Variants in RFX2 observed in about 807,000 individuals in gnomAD.
RFX2 encodes the protein DNA-binding protein RFX2.
Under a neutral mutation model 87.8 loss-of-function variants are expected in RFX2, and 20 were observed. That is an observed-to-expected ratio of 0.23 (90% CI 0.16 to 0.33). RFX2 has a LOEUF of 0.33. Among genes scored for constraint, RFX2 ranks in the 10% least tolerant of loss-of-function variants. The pLI is 1.00. For missense variants in RFX2, 767 were observed against 1,012.3 expected, an observed-to-expected ratio of 0.76 and a Z score of 3.29; for synonymous variants, 397 against 431.3, an observed-to-expected ratio of 0.92 and a Z score of 0.98.
At chr19:6,087,447 T>G (rs555241529) in intron 1 of RFX2, among the ~76,000 whole-genome samples, 1 of 152,336 alleles carries the variant, frequency 6.6e-6, no homozygotes, top group East Asian at 1.9e-4. Context: ...GGGAGATGCC[T>G]GCCAGAGGCG....
In RFX2 at chr19:6,026,179, C is replaced by T. The variant is rs2086886321; in HGVS notation, c.581G>A (p.Gly194Asp). Residue 194 changes from glycine (G) to aspartate (D), a missense_variant, in exon 6 of 18, where the codon GGT becomes GAT. By Grantham distance (94) the Gly-to-Asp change is moderately conservative (BLOSUM62 -1). Coordinates refer to ENST00000303657, the MANE Select transcript of RFX2 (RefSeq NM_000635.4). This position sits in a 1 kb window ranked among gnomAD's most constrained non-coding sequence, Gnocchi z 4.5. ...KSEGITSHKS[G>D]LLNSHLQWLL... is the part of the protein sequence containing the mutation. ...CACACTTACATGGCTGTTGAGTAAA[C>T]CGCTTTTGTGTGATGTGATTCCTTC... The T allele has an allele frequency of 6.2e-7, 1 of 1,613,708 alleles. No individual in the cohort carries two copies. Among genetic ancestry groups the T allele is most frequent in the African/African-American group, 1.3e-5 (1 of 74,906 alleles).
rs535160598 is a variant in RFX2 at position 6,074,617 on chromosome 19, C to A, written c.-8-27113G>T. On this transcript the variant is annotated intron_variant, in intron 1 of 17. Coordinates refer to ENST00000303657, the MANE Select transcript of RFX2 (RefSeq NM_000635.4). The surrounding 1 kb of genome is among the most constrained non-coding windows in gnomAD (Gnocchi z 5.2). ...GTGGGGCTGACCCCTCAGGGAGAGA[C>A]AGACGACACCATGGACACAGAACAG... 6.6e-6 allele frequency among the ~76,000 whole-genome samples: 1 copy of A among 152,316 alleles called. No individual in the cohort carries two copies. The highest frequency in any genetic ancestry group is 1.9e-4 in the East Asian group (1 of 5,174).
At chr19:6,077,562 T>G (rs1221190132) in intron 1 of RFX2, among the ~76,000 whole-genome samples, 2 of 152,220 alleles carry the variant, frequency 1.3e-5, no homozygotes, top group African/African-American at 4.8e-5. Flanking sequence ...AAATTCATCC[T>G]GCAGAAGTAG....
chr19:6,092,840 C>T (rs1330239913), intron 1 of RFX2, among the ~76,000 whole-genome samples: 1 of 152,074 alleles, frequency 6.6e-6, no homozygotes, highest in African/African-American at 2.4e-5. Flanking sequence ...TTTCACGAGG[C>T]TGTCAAAGGG....
At position 6,044,703 on chromosome 19, in the gene RFX2, G is replaced by GTACA. The variant is rs2087164148; in HGVS notation, c.91-422_91-421insTGTA. ...ACAGAGGGGACTGCTGGGGCCCTCT[G>GTACA]GATAGCCATCCGCACCACTGCGTGG... On this transcript the variant is annotated intron_variant, in intron 2 of 17. Coordinates refer to ENST00000303657, the MANE Select transcript of RFX2 (RefSeq NM_000635.4). The surrounding 1 kb of genome is among the most constrained non-coding windows in gnomAD (Gnocchi z 5.3). 2.6e-5 allele frequency among the ~76,000 whole-genome samples: 4 copies of GTACA among 152,240 alleles called. No individual in the cohort carries two copies. In the South Asian group the frequency reaches 8.3e-4, roughly 32 times the overall value.
intron 1 of RFX2, among the ~76,000 whole-genome samples, chr19:6,051,555 A>G (rs1431079998): frequency 6.6e-6 from 1 of 152,224 alleles, no homozygotes; most frequent in Admixed American, 6.5e-5. Context: ...GCTAATAGAG[A>G]AATCAAATGA....
rs934667192 is a variant in RFX2, at chr19:6,047,060, C to T, written c.90+347G>A. The stretch of plus-strand genomic sequence containing the variant: ...GGATTACCTGTGTGAGCCACTGCAC[C>T]CGGCCTTACTTCTTAATTCTTAATA... On this transcript the variant is annotated intron_variant, in intron 2 of 17. Transcript: ENST00000303657. The surrounding 1 kb of genome is among the most constrained non-coding windows in gnomAD (Gnocchi z 4.2). Among the ~76,000 whole-genome samples, 6 of 152,004 alleles carry T rather than the reference C, an allele frequency of 3.9e-5. No homozygotes were observed. The highest frequency in any genetic ancestry group is 7.4e-5 in the Non-Finnish European group (5 of 68,006).
chr19:6,058,921 C>T (rs1349890609), intron 1 of RFX2, among the ~76,000 whole-genome samples: 1 of 152,126 alleles, frequency 6.6e-6, no homozygotes, highest in African/African-American at 2.4e-5. Context: ...ACAAGGCCTC[C>T]CCTAAGCCAG....
intron 1 of RFX2, chr19:6,077,141 T>G (rs2087703540): frequency 6.6e-6 from 1 of 152,238 alleles, no homozygotes; most frequent in South Asian, 2.1e-4. Context: ...CGGACTGTGT[T>G]TAGTGCCATC....
intron 6 of RFX2, among the ~76,000 whole-genome samples, chr19:6,018,933 C>G (rs1040722842): frequency 6.6e-6 from 1 of 152,206 alleles, no homozygotes; most frequent in African/African-American, 2.4e-5. Context: ...GTTCCCTGGC[C>G]GCCCCTGAAT....
At position 6,107,880 on chromosome 19, in the gene RFX2, C is replaced by T. The variant is rs547282847; in HGVS notation, c.-9+2513G>A. ...TACATTTAAATATACATCACATACACATTATATTATATTGTTGTATTTAAA... is the reference window on the plus strand; with the variant it reads ...TACATTTAAATATACATCACATACATATTATATTATATTGTTGTATTTAAA... On this transcript the variant is annotated intron_variant, in intron 1 of 17. Coordinates refer to ENST00000303657, the MANE Select transcript of RFX2 (RefSeq NM_000635.4). 1.6e-4 allele frequency among the ~76,000 whole-genome samples: 25 copies of T among 152,200 alleles called. No individual in the cohort carries two copies. The East Asian group carries it at 4.4e-3, about 27-fold the overall frequency.
At chr19:6,006,187 G>T (rs2086577321) in intron 12 of RFX2, among the ~76,000 whole-genome samples, 1 of 152,162 alleles carries the variant, frequency 6.6e-6, no homozygotes, top group Non-Finnish European at 1.5e-5. Flanking sequence ...TTGAGACAGG[G>T]TCTTGCTCTG....
intron 1 of RFX2, among the ~76,000 whole-genome samples, chr19:6,086,466 C>A (rs2087857328): frequency 6.6e-6 from 1 of 152,218 alleles, no homozygotes; most frequent in Non-Finnish European, 1.5e-5. Context: ...GTATTTGTAT[C>A]TCCAAACATG....
chr19:6,044,188 A>G lies in RFX2; in HGVS notation c.180+5T>C, dbSNP rs1415940598. On this transcript the variant is annotated splice_donor_5th_base_variant and intron_variant, in intron 3 of 17. Transcript: ENST00000303657. The surrounding 1 kb of genome is among the most constrained non-coding windows in gnomAD (Gnocchi z 5.3). The stretch of plus-strand genomic sequence containing the variant: ...TTTGCACGGTGCTGCGGTGCTTGTC[A>G]TTACCTGCTGGGGTACCTGCTGAAC... The G allele has an allele frequency of 2.6e-6, 4 of 1,542,880 alleles. No individual in the cohort carries two copies. The highest frequency in any genetic ancestry group is 3.5e-6 in the Non-Finnish European group (4 of 1,143,914).
In RFX2 at chr19:6,007,702, G is replaced by C; in HGVS notation, c.1235C>G (p.Ser412Cys). 1 of 1,551,848 alleles carries C rather than the reference G, an allele frequency of 6.4e-7. No individual in the cohort carries two copies. Among genetic ancestry groups the C allele is most frequent in the Non-Finnish European group, 8.7e-7 (1 of 1,145,946 alleles). ...GTGTGGCAGTCACCTGGCAGGAAGA[G>C]AGGTGGGGCCGTCGCTGGAGGAGGC... The part of the protein sequence containing the change: ...SKASSSDGPT[S>C]LPASDEDPEG... Residue 412 changes from serine to cysteine, a missense_variant, in exon 11 of 18, where the codon TCT (serine) becomes TGT (cysteine). Around this residue, in one of 2 missense-constraint regions of RFX2, gnomAD observed 621 missense variants for 873.0 expected, o/e 0.71. Transcript: ENST00000303657. The surrounding 1 kb of genome is among the most constrained non-coding windows in gnomAD (Gnocchi z 8.2).
chr19:6,077,146 G>A, intron 1 of RFX2: 1 of 152,194 alleles, frequency 6.6e-6, no homozygotes, highest in Non-Finnish European at 1.5e-5. Flanking sequence ...TGTGTTTAGT[G>A]CCATCCTTGC....
intron 1 of RFX2, among the ~76,000 whole-genome samples, chr19:6,078,995 C>T (rs989439260): frequency 3.7e-4 from 56 of 152,188 alleles, no homozygotes; most frequent in Non-Finnish European, 1.0e-4. Context: ...AGGCTGGTCT[C>T]GAACTCCTGA....
intron 9 of RFX2, among the ~76,000 whole-genome samples, 182 bp downstream of exon 9, chr19:6,009,954 C>A (rs1164795421): frequency 6.6e-6 from 1 of 152,200 alleles, no homozygotes; most frequent in African/African-American, 2.4e-5. Context: ...GCTGATTATT[C>A]TAAAGTCTCA....
chr19:6,005,713 G>A (rs775670745), intron 12 of RFX2, among the ~76,000 whole-genome samples: 4 of 152,198 alleles, frequency 2.6e-5, no homozygotes, highest in Non-Finnish European at 4.4e-5. Flanking sequence ...TGGGAAGTGG[G>A]GTCTGGCTGG....
Sources: gnomAD v4.1 joint callset for allele counts (sites outside exome capture counted in the v4.1 genomes callset) on GRCh38, gnomAD v4.1.1 for gene constraint, gnomAD v4.1.1 regional missense constraint, Gnocchi (gnomAD v3.1) non-coding constraint, MANE v1.5 for transcripts, NCBI Gene and HGNC (gene_info 2026-07-23, HGNC 2026-07-21) for gene names.